The following RBFOX1 variants were observed in gnomAD, a reference collection of about 807,000 sequenced individuals.
RBFOX1 encodes the protein RNA binding protein fox-1 homolog 1.
In RBFOX1, 8 loss-of-function variants were observed where a neutral mutation model predicts 57.7. The observed-to-expected ratio is 0.14, with a 90% CI of 0.08 to 0.25. RBFOX1 has a LOEUF of 0.25. Among genes scored for constraint, RBFOX1 ranks in the 10% least tolerant of loss-of-function variants. RBFOX1 has a pLI of 1.00. For synonymous variants in RBFOX1, 326 were observed against 222.4 expected, an observed-to-expected ratio of 1.47 and a Z score of -4.15; for missense variants, 611 against 548.5, an observed-to-expected ratio of 1.11 and a Z score of -1.14.
intron 2 of RBFOX1, among the ~76,000 whole-genome samples, chr16:6,619,474 T>G (rs1421156751): frequency 6.6e-6 from 1 of 152,164 alleles, no homozygotes; most frequent in Admixed American, 6.5e-5. Context: ...GTTCTCCCAT[T>G]CTTTTTTCTT....
chr16:6,759,459 G>T lies in RBFOX1; in HGVS notation c.-16+104809G>T, dbSNP rs75715069. ...CTTTAGTCAACCAACTTCATTTCTTGATATGTCAGTTGTCTGTGTGTGTGT... is the reference window on the plus strand; with the variant it reads ...CTTTAGTCAACCAACTTCATTTCTTTATATGTCAGTTGTCTGTGTGTGTGT... On this transcript the variant is annotated intron_variant, in intron 3 of 15. Coordinates refer to ENST00000550418, the MANE Select transcript of RBFOX1 (RefSeq NM_018723.4). Among the ~76,000 whole-genome samples the T allele has an allele frequency of 5.2e-3, 763 of 145,760 alleles. 5 individuals carry two copies. The highest frequency in any genetic ancestry group is 0.019 in the African/African-American group (717 of 38,516).
chr16:6,243,091 A>G (rs1403458529), intron 1 of RBFOX1, among the ~76,000 whole-genome samples: 1 of 151,924 alleles, frequency 6.6e-6, no homozygotes, highest in African/African-American at 2.4e-5. Context: ...TAAGAGTCTT[A>G]TGATATTCTT....
Position 5,500,501 on chromosome 16 carries a change from T to C in RBFOX1, c.258+33247T>C, listed in dbSNP as rs893477250. 4.1e-4 allele frequency among the ~76,000 whole-genome samples: 63 copies of C among 152,148 alleles called. 1 individual carries two copies. The highest frequency in any genetic ancestry group is 1.5e-3 in the African/African-American group (63 of 41,540). On this transcript the variant is annotated intron_variant, in intron 2 of 2. Transcript: ENST00000585867. ...CCTCCCAAAGTGTTGGGATTACAGG[T>C]GTGAGCCATCATGCCTGGCCGAGTA...
At chr16:7,649,974 G>C (rs545025981) in intron 11 of RBFOX1, among the ~76,000 whole-genome samples, 2 of 131,138 alleles carry the variant, frequency 1.5e-5, no homozygotes, top group South Asian at 5.3e-4. Flanking sequence ...AAGAGGGAGA[G>C]GAAGAAGAGC....
intron 3 of RBFOX1, among the ~76,000 whole-genome samples, chr16:5,734,539 C>G (rs1291148307): frequency 6.6e-6 from 1 of 152,130 alleles, no homozygotes; most frequent in Non-Finnish European, 1.5e-5. Context: ...CCAAAGAAAC[C>G]CTTGGTAGAG....
chr16:5,296,826 G>A (rs1192914596), intron 1 of RBFOX1, among the ~76,000 whole-genome samples: 1 of 151,632 alleles, frequency 6.6e-6, no homozygotes. Context: ...TTACAGGCAC[G>A]CACCACCACG....
chr16:5,590,254 G>A (rs974222872), intron 2 of RBFOX1, among the ~76,000 whole-genome samples: 4 of 151,836 alleles, frequency 2.6e-5, no homozygotes, highest in Non-Finnish European at 4.4e-5. Context: ...CCAAAGAGGG[G>A]AAAAAAAACC....
intron 3 of RBFOX1, among the ~76,000 whole-genome samples, chr16:5,657,658 T>TTTCTTTCTTTCTTTCTTTCTTTC (rs772199587): frequency 4.0e-5 from 5 of 126,234 alleles, no homozygotes; most frequent in African/African-American, 1.2e-4. Flanking sequence ...CTTTCTTTTC[T>TTTCTTTCTTTCTTTCTTTCTTTC]TTTCTTTCTT....
At chr16:5,832,375 G>A (rs974325941) in intron 3 of RBFOX1, among the ~76,000 whole-genome samples, 2 of 152,218 alleles carry the variant, frequency 1.3e-5, no homozygotes, top group African/African-American at 4.8e-5. Context: ...AATGGGGCAT[G>A]CCCAGAAAGG....
rs971829958 is a variant in RBFOX1 at position 6,927,992 on chromosome 16, C to T, written c.-15-124065C>T. On this transcript the variant is annotated intron_variant, in intron 3 of 15. Transcript: ENST00000550418. ...TAAAGTTTCCCATTGAGCTGCTGTT[C>T]CGCTGCTGCTGGCTTCCACCCCCAG... Among the ~76,000 whole-genome samples the T allele has an allele frequency of 4.6e-5, 7 of 152,274 alleles. No individual in the cohort carries two copies. In the South Asian group the frequency reaches 1.0e-3, roughly 23 times the overall value.
chr16:6,686,956 T>C (rs764379521), intron 3 of RBFOX1, among the ~76,000 whole-genome samples: 1 of 152,236 alleles, frequency 6.6e-6, no homozygotes, highest in Non-Finnish European at 1.5e-5. Context: ...CTCGTAATGA[T>C]ATGATGTGAA....
intron 3 of RBFOX1, among the ~76,000 whole-genome samples, chr16:6,980,473 T>A (rs2088452677): frequency 6.6e-6 from 1 of 152,188 alleles, no homozygotes. Flanking sequence ...ATGTTGAAAT[T>A]TTTCTGGTGT....
intron 4 of RBFOX1, among the ~76,000 whole-genome samples, chr16:5,959,835 A>G (rs1042706998): frequency 1.3e-4 from 20 of 152,208 alleles, no homozygotes; most frequent in Admixed American, 1.3e-3. Flanking sequence ...AAAGAAAGAA[A>G]GAAATTGCTG....
At chr16:5,867,173 TG>T (rs2057361826) in intron 3 of RBFOX1, 4 of 417,528 alleles carry the variant, frequency 9.6e-6, no homozygotes, top group Non-Finnish European at 1.6e-5. Context: ...TGTGTGTGTG[TG>T]GTGTGTGTTG....
intron 2 of RBFOX1, among the ~76,000 whole-genome samples, chr16:6,615,343 G>A (rs1160768435): frequency 6.6e-6 from 1 of 152,128 alleles, no homozygotes; most frequent in Non-Finnish European, 1.5e-5. Context: ...GCCAAGGCGG[G>A]TGGATCACCT....
At chr16:6,256,594 C>G (rs546118541) in intron 1 of RBFOX1, among the ~76,000 whole-genome samples, 72 of 152,096 alleles carry the variant, frequency 4.7e-4, no homozygotes, top group Non-Finnish European at 7.8e-4. Flanking sequence ...ATCAATATGT[C>G]AACATGTGCT....
intron 3 of RBFOX1, among the ~76,000 whole-genome samples, chr16:6,838,757 G>A (rs1603630803): frequency 6.6e-6 from 1 of 152,054 alleles, no homozygotes; most frequent in Non-Finnish European, 1.5e-5. Flanking sequence ...TCCTCCAGGG[G>A]TCTCAATTAG....
chr16:5,833,681 G>T (rs1279215757), intron 3 of RBFOX1, among the ~76,000 whole-genome samples: 1 of 152,084 alleles, frequency 6.6e-6, no homozygotes, highest in Non-Finnish European at 1.5e-5. Flanking sequence ...AAGAATGGAC[G>T]TGTGCATTGG....
chr16:7,630,446 T>G (rs2060767165), intron 10 of RBFOX1, among the ~76,000 whole-genome samples, 157 bp from the exon 11 acceptor site: 1 of 151,956 alleles, frequency 6.6e-6, no homozygotes, highest in Non-Finnish European at 1.5e-5. Context: ...TGATTCCCTT[T>G]GGCTAAGGCA....
Sources: gnomAD v4.1 joint callset for allele counts (sites outside exome capture counted in the v4.1 genomes callset) on GRCh38, gnomAD v4.1.1 for gene constraint, MANE v1.5 for transcripts, NCBI Gene and HGNC (gene_info 2026-07-23, HGNC 2026-07-21) for gene names.